The following IMMP2L variants were observed in gnomAD, a reference collection of about 807,000 sequenced individuals.
IMMP2L encodes inner mitochondrial membrane peptidase subunit 2, also known as mitochondrial inner membrane protease subunit 2.
IMMP2L carries 18 observed loss-of-function variants against 19.3 expected under a neutral mutation model. That is an observed-to-expected ratio of 0.93 (90% CI 0.64 to 1.38). The LOEUF (loss-of-function observed/expected upper bound fraction) is 1.38, where lower values mean the gene tolerates loss of function less well. Ranked by LOEUF, IMMP2L falls within the 40% of genes most tolerant of loss-of-function variation. IMMP2L has a pLI of 0.00. For missense variants in IMMP2L, 233 were observed against 218.2 expected, an observed-to-expected ratio of 1.07 and a Z score of -0.43; for synonymous variants, 76 against 73.0, an observed-to-expected ratio of 1.04 and a Z score of -0.21.
chr7:110,705,725 A>G (rs1794628331), intron 5 of IMMP2L, among the ~76,000 whole-genome samples: 1 of 151,696 alleles, frequency 6.6e-6, no homozygotes, highest in African/African-American at 2.4e-5. Context: ...TAGTTTTTCA[A>G]CCCTTCCTTC....
At chr7:110,783,859 G>A (rs1021714964) in intron 5 of IMMP2L, among the ~76,000 whole-genome samples, 2 of 151,844 alleles carry the variant, frequency 1.3e-5, no homozygotes, top group African/African-American at 2.4e-5. Context: ...TTGTAGTGTG[G>A]AGAAATGAAA....
intron 3 of IMMP2L, among the ~76,000 whole-genome samples, chr7:111,271,111 G>A (rs192672406): frequency 1.6e-4 from 24 of 152,130 alleles, no homozygotes; most frequent in African/African-American, 5.8e-4. Flanking sequence ...TCTTATGATA[G>A]TGAGTGAGTT....
intron 5 of IMMP2L, among the ~76,000 whole-genome samples, chr7:110,875,746 T>TA (rs985180805): frequency 6.6e-6 from 1 of 152,072 alleles, no homozygotes; most frequent in Non-Finnish European, 1.5e-5. Context: ...CAACTGTAAA[T>TA]AAAATCACTG....
intron 3 of IMMP2L, among the ~76,000 whole-genome samples, chr7:111,076,747 A>G (rs1014107768): frequency 2.0e-5 from 3 of 152,190 alleles, no homozygotes; most frequent in Non-Finnish European, 4.4e-5. Flanking sequence ...ATTTTACCAG[A>G]GATGGGGGCA....
intron 3 of IMMP2L, among the ~76,000 whole-genome samples, chr7:111,357,619 A>G (rs1164634283): frequency 6.6e-6 from 1 of 152,006 alleles, no homozygotes; most frequent in Non-Finnish European, 1.5e-5. Context: ...TTGTTTTTTC[A>G]TTTATATAGC....
rs140643837 is a variant in IMMP2L at position 111,169,808 on chromosome 7, A to T, written c.240-206243T>A. On this transcript the variant is annotated intron_variant, in intron 3 of 5. Transcript: ENST00000405709. ...GGGGAGACACAATTCAACACATAAC[A>T]AAATTCATTCATGAAGAAATGTCAC... 1.9e-3 allele frequency among the ~76,000 whole-genome samples: 282 copies of T among 152,018 alleles called. 1 individual carries two copies. The highest frequency in any genetic ancestry group is 6.2e-3 in the African/African-American group (258 of 41,502).
At chr7:110,805,344 T>C (rs895782822) in intron 5 of IMMP2L, among the ~76,000 whole-genome samples, 2 of 152,116 alleles carry the variant, frequency 1.3e-5, no homozygotes, top group African/African-American at 4.8e-5. Context: ...GGCTTATTTA[T>C]TGTTAAATTA....
chr7:111,274,797 A>G (rs1377411066), intron 3 of IMMP2L, among the ~76,000 whole-genome samples: 1 of 152,228 alleles, frequency 6.6e-6, no homozygotes, highest in Non-Finnish European at 1.5e-5. Flanking sequence ...TCCCAGGAGC[A>G]GGCAACACAG....
chr7:110,899,871 T>C (rs1307433033), intron 4 of IMMP2L, among the ~76,000 whole-genome samples: 1 of 152,210 alleles, frequency 6.6e-6, no homozygotes, highest in African/African-American at 2.4e-5. Flanking sequence ...TTTTTGTTTA[T>C]CTTTGTATGT....
chr7:111,222,340 TAG>T (rs1234112867), intron 3 of IMMP2L, among the ~76,000 whole-genome samples: 1 of 151,700 alleles, frequency 6.6e-6, no homozygotes, highest in Non-Finnish European at 1.5e-5. Flanking sequence ...CTCTGCCACA[TAG>T]AAATTAAAAT....
intron 3 of IMMP2L, among the ~76,000 whole-genome samples, chr7:111,292,723 T>G (rs1821242763): frequency 6.6e-6 from 1 of 152,050 alleles, no homozygotes; most frequent in Non-Finnish European, 1.5e-5. Flanking sequence ...GTTTCAGGAC[T>G]GTGGCAAATA....
At chr7:110,698,127 AT>A (rs1794011259) in intron 5 of IMMP2L, among the ~76,000 whole-genome samples, 1 of 152,328 alleles carries the variant, frequency 6.6e-6, no homozygotes, top group Admixed American at 6.5e-5. Context: ...TGGGAATTAA[AT>A]ATGGTACAAG....
At chr7:111,360,602 G>A (rs1157870682) in intron 3 of IMMP2L, among the ~76,000 whole-genome samples, 1 of 152,054 alleles carries the variant, frequency 6.6e-6, no homozygotes, top group African/African-American at 2.4e-5. Flanking sequence ...AGGATTGCTT[G>A]AACCCAGGAG....
At chr7:111,365,087 T>C (rs2131032973) in intron 3 of IMMP2L, among the ~76,000 whole-genome samples, 1 of 152,188 alleles carries the variant, frequency 6.6e-6, no homozygotes, top group Admixed American at 6.6e-5. Flanking sequence ...AGGAAATACC[T>C]TAAGAAATAA....
chr7:111,051,712 A>G (rs945809038), intron 3 of IMMP2L, among the ~76,000 whole-genome samples: 4 of 152,244 alleles, frequency 2.6e-5, no homozygotes, highest in African/African-American at 9.6e-5. Context: ...ACCATTTTAA[A>G]AAGTCAAAGC....
intron 3 of IMMP2L, among the ~76,000 whole-genome samples, chr7:111,227,523 T>C (rs866616624): frequency 6.6e-6 from 1 of 152,094 alleles, no homozygotes; most frequent in African/African-American, 2.4e-5. Flanking sequence ...ACCAGATCTA[T>C]CTAAAACTGC....
chr7:111,152,353 C>A (rs549922125), intron 3 of IMMP2L, among the ~76,000 whole-genome samples: 1 of 152,166 alleles, frequency 6.6e-6, no homozygotes, highest in Admixed American at 6.6e-5. Flanking sequence ...TTATGTATAA[C>A]TTTTCCTTAG....
intron 3 of IMMP2L, among the ~76,000 whole-genome samples, chr7:111,331,756 G>T (rs550818570): frequency 6.6e-6 from 1 of 151,566 alleles, no homozygotes. Context: ...TTTCCATAAG[G>T]CTCCAGGAAA....
intron 3 of IMMP2L, among the ~76,000 whole-genome samples, chr7:111,374,278 A>G (rs2131140948): frequency 6.6e-6 from 1 of 152,208 alleles, no homozygotes; most frequent in Non-Finnish European, 1.5e-5. Flanking sequence ...TAAAATCACC[A>G]CTGAGCCTTT....
Sources: gnomAD v4.1 joint callset for allele counts (sites outside exome capture counted in the v4.1 genomes callset) on GRCh38, gnomAD v4.1.1 for gene constraint, MANE v1.5 for transcripts, NCBI Gene and HGNC (gene_info 2026-07-23, HGNC 2026-07-21) for gene names.